Variants in NRG1 observed in about 807,000 individuals in gnomAD.
NRG1 encodes the protein pro-neuregulin-1, membrane-bound isoform.
Under a neutral mutation model 63.8 loss-of-function variants are expected in NRG1, and 18 were observed. The observed-to-expected ratio is 0.28, with a 90% CI of 0.19 to 0.42. The LOEUF (loss-of-function observed/expected upper bound fraction) is 0.42. NRG1 is among the 10% of genes least tolerant of loss of function. The probability of loss-of-function intolerance (pLI) is 1.00; values close to 1 mark genes in which losing one functional copy is unlikely to be tolerated. For synonymous variants in NRG1, 302 were observed against 301.3 expected (o/e 1.00, Z -0.02); for missense variants, 762 against 814.7 (o/e 0.94, Z 0.79).
chr8:31,640,399 A>G lies in NRG1; in HGVS notation c.37+968A>G. 3 of 1,451,648 alleles carry G rather than the reference A, an allele frequency of 2.1e-6. No individual in the cohort carries two copies. The allele number at this position is 1,451,648 out of a possible 1,614,324, so 89.9% of individuals were successfully genotyped here. ...GGAGCCGCTGCTCGCCGCCAACGGG[A>G]CCGTGCCCTCTTGGCCCACCGCCCC... On this transcript the variant is annotated intron_variant, in intron 1 of 10. Transcript: ENST00000519301. The surrounding 1 kb of genome is among the most constrained non-coding windows in gnomAD (Gnocchi z 6.3).
intron 1 of NRG1, among the ~76,000 whole-genome samples, chr8:31,842,516 A>G (rs1173427875): frequency 6.6e-6 from 1 of 152,198 alleles, no homozygotes. Context: ...ATTAAACTCC[A>G]TATATGCCAA....
intron 1 of NRG1, among the ~76,000 whole-genome samples, chr8:31,999,001 C>A (rs924110803): frequency 2.0e-5 from 3 of 151,820 alleles, no homozygotes; most frequent in African/African-American, 7.3e-5. Flanking sequence ...AGACCCAAAG[C>A]AGGTTGGGTA....
intron 10 of NRG1, 133 bp downstream of exon 10, chr8:32,759,569 C>A: frequency 9.0e-7 from 1 of 1,113,506 alleles, no homozygotes. Context: ...TGAAAATCAA[C>A]TGGCTTTGCC....
At chr8:32,747,377 A>C (rs1251455964) in intron 7 of NRG1, among the ~76,000 whole-genome samples, 1 of 152,124 alleles carries the variant, frequency 6.6e-6, no homozygotes, top group African/African-American at 2.4e-5. Context: ...CATGGAAATG[A>C]GTAAGGAAAT....
At position 32,441,611 on chromosome 8, in the gene NRG1, G is replaced by A. The variant is rs532160704; in HGVS notation, c.38-154217G>A. 2.0e-5 allele frequency among the ~76,000 whole-genome samples: 3 copies of A among 152,072 alleles called. No individual in the cohort carries two copies. The South Asian group carries it at 6.2e-4, about 32-fold the overall frequency. On this transcript the variant is annotated intron_variant, in intron 1 of 10. Coordinates refer to the NRG1 transcript ENST00000519301. ...TCCAGTCTGGGAGACATAGTGAGAT[G>A]CTGTCTTTAAAATAATAATAATAAT...
intron 5 of NRG1, among the ~76,000 whole-genome samples, chr8:32,639,067 G>A (rs1054298038): frequency 2.0e-5 from 3 of 152,046 alleles, no homozygotes; most frequent in African/African-American, 7.2e-5. Flanking sequence ...TAAGGAAAAC[G>A]TATATTGTAA....
chr8:32,396,445 A>G (rs753152157), intron 1 of NRG1, among the ~76,000 whole-genome samples: 1 of 152,074 alleles, frequency 6.6e-6, no homozygotes, highest in Non-Finnish European at 1.5e-5. Context: ...CAAATGGTAC[A>G]TTTATTTATC....
At chr8:32,478,834 T>G (rs1311462753) in intron 1 of NRG1, among the ~76,000 whole-genome samples, 1 of 152,234 alleles carries the variant, frequency 6.6e-6, no homozygotes, top group Non-Finnish European at 1.5e-5. Flanking sequence ...TAAGTTTCAT[T>G]TGACGCCCAC....
intron 1 of NRG1, among the ~76,000 whole-genome samples, chr8:32,079,361 G>A (rs1345893267): frequency 2.0e-5 from 3 of 152,016 alleles, no homozygotes; most frequent in Non-Finnish European, 4.4e-5. Context: ...CTGAACAAAA[G>A]CAATGTCCAG....
intron 1 of NRG1, among the ~76,000 whole-genome samples, chr8:31,892,251 T>C (rs1177806912): frequency 2.0e-5 from 3 of 152,162 alleles, no homozygotes; most frequent in Admixed American, 2.0e-4. Flanking sequence ...ATCAAGCTGC[T>C]CTTAGTTGAA....
intron 1 of NRG1, among the ~76,000 whole-genome samples, chr8:31,920,822 G>A (rs1237022656): frequency 6.6e-6 from 1 of 151,938 alleles, no homozygotes; most frequent in Admixed American, 6.6e-5. Flanking sequence ...GGACTCAGGT[G>A]CTGGCTATGT....
At chr8:31,785,265 G>T (rs1820061090) in intron 1 of NRG1, among the ~76,000 whole-genome samples, 1 of 152,168 alleles carries the variant, frequency 6.6e-6, no homozygotes. Flanking sequence ...TATGGGAGTT[G>T]TCCTTCAAGG....
At chr8:31,761,396 T>C (rs1168389771) in intron 1 of NRG1, among the ~76,000 whole-genome samples, 1 of 152,108 alleles carries the variant, frequency 6.6e-6, no homozygotes, top group African/African-American at 2.4e-5. Flanking sequence ...GGCACATGTA[T>C]ACATACGTAA....
intron 1 of NRG1, among the ~76,000 whole-genome samples, chr8:32,092,663 C>T (rs1829352764): frequency 6.6e-6 from 1 of 151,918 alleles, no homozygotes; most frequent in Non-Finnish European, 1.5e-5. Flanking sequence ...TTTTCATGTT[C>T]AGCACCAGAT....
At chr8:32,640,339 G>A (rs533411935) in intron 5 of NRG1, among the ~76,000 whole-genome samples, 4 of 147,458 alleles carry the variant, frequency 2.7e-5, no homozygotes, top group African/African-American at 5.0e-5. Flanking sequence ...TAAAACACAC[G>A]TCTCAAAGAT....
chr8:31,772,575 G>T (rs1818730854), intron 1 of NRG1, among the ~76,000 whole-genome samples: 1 of 152,078 alleles, frequency 6.6e-6, no homozygotes, highest in South Asian at 2.1e-4. Flanking sequence ...CTCTGGGAAG[G>T]TAGGTGTCAG....
At position 31,712,387 on chromosome 8, in the gene NRG1, G is replaced by A. The variant is rs902811173; in HGVS notation, c.37+72956G>A. Among the ~76,000 whole-genome samples the A allele has an allele frequency of 6.0e-5, 9 of 148,910 alleles. No individual in the cohort carries two copies. In the Admixed American group the frequency reaches 6.1e-4, roughly 10 times the overall value. Reference sequence around the variant, plus strand: ...AGGTTCAAGCGATTCTCCTGCCTCAGCCTCCCAAGTAGCTGGGACTATAGG... The same window carrying A: ...AGGTTCAAGCGATTCTCCTGCCTCAACCTCCCAAGTAGCTGGGACTATAGG... On this transcript the variant is annotated intron_variant, in intron 1 of 10. Transcript: ENST00000519301.
intron 1 of NRG1, among the ~76,000 whole-genome samples, chr8:32,463,831 G>A (rs1345021519): frequency 7.7e-6 from 1 of 130,350 alleles, no homozygotes; most frequent in African/African-American, 2.8e-5. Flanking sequence ...ACAAAGCAAA[G>A]CAAGACCATC....
At chr8:32,236,145 G>T (rs1847530901) in intron 1 of NRG1, among the ~76,000 whole-genome samples, 1 of 151,584 alleles carries the variant, frequency 6.6e-6, no homozygotes, top group Non-Finnish European at 1.5e-5. Flanking sequence ...GTGTGTGTGT[G>T]TGAATGTGTG....
Sources: gnomAD v4.1 joint callset for allele counts (sites outside exome capture counted in the v4.1 genomes callset) on GRCh38, gnomAD v4.1.1 for gene constraint, Gnocchi (gnomAD v3.1) non-coding constraint, MANE v1.5 for transcripts, NCBI Gene and HGNC (gene_info 2026-07-23, HGNC 2026-07-21) for gene names.